Variants in FBXW10B observed in about 807,000 individuals in gnomAD.
The protein encoded by FBXW10B is F-box and WD repeat domain containing 10B.
the FBXW10B span, among the ~76,000 whole-genome samples, chr17:15,609,863 T>TTTC: frequency 7.3e-6 from 1 of 136,712 alleles, no homozygotes; most frequent in African/African-American, 3.0e-5. Flanking sequence ...TTTTTTTTTT[T>TTTC]TTTTTTTTTT....
the FBXW10B span, among the ~76,000 whole-genome samples, chr17:15,611,996 C>T: frequency 1.3e-5 from 2 of 152,180 alleles, no homozygotes; most frequent in African/African-American, 4.8e-5. Context: ...CCAGCCCTGG[C>T]CCTCCCCTCG....
At chr17:15,597,939 T>C in the FBXW10B span, among the ~76,000 whole-genome samples, 2 of 152,182 alleles carry the variant, frequency 1.3e-5, no homozygotes, top group Non-Finnish European at 2.9e-5. Flanking sequence ...GTCTTGCAGG[T>C]GGTGAGTGGC....
chr17:15,613,723 G>C, the FBXW10B span: 5 of 1,612,484 alleles, frequency 3.1e-6, no homozygotes, highest in Admixed American at 1.7e-5. Flanking sequence ...ACTTGTTCAG[G>C]GTGTGTCTAT....
chr17:15,596,722 G>T, the FBXW10B span: 9 of 1,557,494 alleles, frequency 5.8e-6, no homozygotes, highest in Admixed American at 7.3e-5. Flanking sequence ...AAAAGGAAAG[G>T]TTACAGTGGA....
chr17:15,596,472 C>T, the FBXW10B span: 1 of 1,495,706 alleles, frequency 6.7e-7, no homozygotes, highest in Middle Eastern at 1.8e-4. Flanking sequence ...CCCATCTCCT[C>T]CCCAGTGCCC....
At chr17:15,592,143 TAA>T in the FBXW10B span, among the ~76,000 whole-genome samples, 1 of 152,210 alleles carries the variant, frequency 6.6e-6, no homozygotes, top group Non-Finnish European at 1.5e-5. Context: ...ACCAACAGCA[TAA>T]ACTCTCTAGA....
the FBXW10B span, among the ~76,000 whole-genome samples, chr17:15,583,946 G>C: frequency 1.9e-3 from 288 of 152,256 alleles, 5 homozygotes; most frequent in Admixed American, 0.015. Flanking sequence ...GTCACAGCCA[G>C]TGTTGATACA....
chr17:15,590,557 A>G, the FBXW10B span, among the ~76,000 whole-genome samples: 2 of 148,692 alleles, frequency 1.3e-5, no homozygotes, highest in Admixed American at 1.3e-4. Context: ...TGACCTTCAC[A>G]GAGCACACCT....
At chr17:15,582,686 T>C in the FBXW10B span, among the ~76,000 whole-genome samples, 1 of 151,796 alleles carries the variant, frequency 6.6e-6, no homozygotes, top group Admixed American at 6.6e-5. Context: ...TGCAAATATA[T>C]GTAAAATGTG....
chr17:15,577,368 T>C, the FBXW10B span, among the ~76,000 whole-genome samples: 5 of 152,282 alleles, frequency 3.3e-5, no homozygotes, highest in East Asian at 9.7e-4. Context: ...GGAACGCTGC[T>C]GGGATTTTCT....
At chr17:15,616,542 T>C in the FBXW10B span, among the ~76,000 whole-genome samples, 4 of 151,952 alleles carry the variant, frequency 2.6e-5, no homozygotes, top group South Asian at 2.1e-4. Flanking sequence ...TGATGGCTCA[T>C]GCCTGTAATC....
chr17:15,601,047 C>G, the FBXW10B span, among the ~76,000 whole-genome samples: 1 of 626 alleles, frequency 1.6e-3, no homozygotes, highest in African/African-American at 5.6e-3. Flanking sequence ...GAGACTCCAT[C>G]TCAAAAAAAA....
At chr17:15,581,272 T>C in the FBXW10B span, among the ~76,000 whole-genome samples, 2 of 152,172 alleles carry the variant, frequency 1.3e-5, no homozygotes, top group Non-Finnish European at 2.9e-5. Context: ...GCACTAATAA[T>C]AAAAAGTATT....
At chr17:15,613,692 A>G in the FBXW10B span, 2 of 1,607,174 alleles carry the variant, frequency 1.2e-6, no homozygotes, top group African/African-American at 1.4e-5. Context: ...ATGGCGGCCC[A>G]GTGCTGGCTC....
chr17:15,619,277 G>C, the FBXW10B span: 20 of 1,613,882 alleles, frequency 1.2e-5, no homozygotes, highest in Non-Finnish European at 1.5e-5. Flanking sequence ...TCCCTGTGTG[G>C]TCTGAAGGAT....
chr17:15,602,084 C>T, the FBXW10B span, among the ~76,000 whole-genome samples: 2 of 150,288 alleles, frequency 1.3e-5, no homozygotes, highest in Admixed American at 6.6e-5. Context: ...TGCACTCTAG[C>T]CTGGGCGAGA....
At chr17:15,566,848 G>A in the FBXW10B span, among the ~76,000 whole-genome samples, 4 of 151,794 alleles carry the variant, frequency 2.6e-5, no homozygotes, top group Admixed American at 1.3e-4. Flanking sequence ...ACAGGCGTGA[G>A]CCACCACAGC....
chr17:15,615,341 T>TTTTTTTTTG, the FBXW10B span, among the ~76,000 whole-genome samples: 1 of 134,352 alleles, frequency 7.4e-6, no homozygotes, highest in Non-Finnish European at 1.5e-5. Context: ...TTTTTTTTTT[T>TTTTTTTTTG]GAGACAGTCT....
chr17:15,608,440 G>A, the FBXW10B span, among the ~76,000 whole-genome samples: 1 of 151,598 alleles, frequency 6.6e-6, no homozygotes, highest in Non-Finnish European at 1.5e-5. Flanking sequence ...GATTACAGGC[G>A]TGAGCCACCA....
Sources: gnomAD v4.1 joint callset for allele counts (sites outside exome capture counted in the v4.1 genomes callset) on GRCh38, gnomAD v4.1.1 for gene constraint, MANE v1.5 for transcripts, NCBI Gene and HGNC (gene_info 2026-07-23, HGNC 2026-07-21) for gene names.